GUCY1A2: variants seen among roughly 807,000 people sequenced by gnomAD.
GUCY1A2 encodes guanylate cyclase soluble subunit alpha-2.
GUCY1A2 carries 27 observed loss-of-function variants against 63.5 expected under a neutral mutation model. The observed-to-expected ratio is 0.43, with a 90% CI of 0.31 to 0.59. The LOEUF is 0.59. Among genes scored for constraint, GUCY1A2 ranks in the 20% least tolerant of loss-of-function variants. The probability of loss-of-function intolerance (pLI) is 0.11; values close to 1 mark genes in which losing one functional copy is unlikely to be tolerated. For synonymous variants in GUCY1A2, 364 were observed against 343.5 expected, an observed-to-expected ratio of 1.06 and a Z score of -0.66; for missense variants, 768 against 913.3, an observed-to-expected ratio of 0.84 and a Z score of 2.05.
intron 1 of GUCY1A2, among the ~76,000 whole-genome samples, chr11:106,998,021 T>TA (rs553361786): frequency 0.014 from 2,088 of 152,038 alleles, 31 homozygotes; most frequent in South Asian, 0.047. Flanking sequence ...CTTTAGGTGT[T>TA]AAAAAAAACA....
chr11:106,780,138 G>A (rs897782750), intron 5 of GUCY1A2, among the ~76,000 whole-genome samples: 6 of 152,078 alleles, frequency 3.9e-5, no homozygotes, highest in African/African-American at 1.4e-4. Flanking sequence ...TCCAGACTGG[G>A]TGACAAAGCG....
At chr11:106,769,652 A>G (rs1864221619) in intron 6 of GUCY1A2, among the ~76,000 whole-genome samples, 1 of 152,190 alleles carries the variant, frequency 6.6e-6, no homozygotes, top group Non-Finnish European at 1.5e-5. Flanking sequence ...CACCAGTAAC[A>G]TTATACGGTA....
chr11:107,013,633 C>T (rs1486676166), intron 1 of GUCY1A2, among the ~76,000 whole-genome samples: 4 of 152,016 alleles, frequency 2.6e-5, no homozygotes, highest in Admixed American at 6.6e-5. Context: ...TCACAACTTC[C>T]GCCTCCCGGG....
intron 7 of GUCY1A2, among the ~76,000 whole-genome samples, chr11:106,691,558 C>A (rs1430626776): frequency 6.6e-6 from 1 of 152,118 alleles, no homozygotes; most frequent in Non-Finnish European, 1.5e-5. Context: ...GGGGTTAGAT[C>A]TATGAAGGTA....
At chr11:106,965,019 G>A (rs1192419660) in intron 3 of GUCY1A2, among the ~76,000 whole-genome samples, 1 of 151,844 alleles carries the variant, frequency 6.6e-6, no homozygotes, top group Non-Finnish European at 1.5e-5. Flanking sequence ...CAGGGAGTTG[G>A]CCAAAATAAC....
chr11:106,791,416 G>A (rs1439791933), intron 5 of GUCY1A2, among the ~76,000 whole-genome samples: 1 of 152,162 alleles, frequency 6.6e-6, no homozygotes, highest in Non-Finnish European at 1.5e-5. Context: ...CTCTTTCAGC[G>A]ATATGAAGTT....
intron 4 of GUCY1A2, among the ~76,000 whole-genome samples, chr11:106,836,531 T>C (rs1033995181): frequency 1.3e-5 from 2 of 151,980 alleles, no homozygotes; most frequent in African/African-American, 2.4e-5. Flanking sequence ...TGTCATGACT[T>C]TTCTCTGCCT....
chr11:106,947,265 TA>T (rs1342280437), intron 3 of GUCY1A2, among the ~76,000 whole-genome samples: 2 of 151,046 alleles, frequency 1.3e-5, no homozygotes, highest in Non-Finnish European at 1.5e-5. Flanking sequence ...ACTATAATTA[TA>T]GTAGGAAACA....
rs59179865 is a variant in GUCY1A2, at chr11:106,750,735, TA to T, written c.1836+25703del. On this transcript the variant is annotated intron_variant, in intron 6 of 7. Transcript: ENST00000526355. ...AGTTGTTTTAGCACCATAGTGGATGTAAAAAAAAAATTATGTATTTTCATCA... is the reference window on the plus strand; with the variant it reads ...AGTTGTTTTAGCACCATAGTGGATGTAAAAAAAAATTATGTATTTTCATCA... Among the ~76,000 whole-genome samples the T allele has an allele frequency of 4.7e-3, 697 of 149,734 alleles. 11 individuals are homozygous for T. The East Asian group carries it at 0.066, about 14-fold the overall frequency.
At chr11:106,699,491 T>C (rs1862779890) in intron 7 of GUCY1A2, among the ~76,000 whole-genome samples, 1 of 152,190 alleles carries the variant, frequency 6.6e-6, no homozygotes, top group Non-Finnish European at 1.5e-5. Context: ...TTCAAGGAAA[T>C]TCTTTCTGTG....
In GUCY1A2 at chr11:106,980,477, G is replaced by C. The variant is rs78530173; in HGVS notation, c.366-1737C>G. Among the ~76,000 whole-genome samples, 1,130 of 152,214 alleles carry C rather than the reference G, an allele frequency of 7.4e-3. 19 individuals carry two copies. Among genetic ancestry groups the C allele is most frequent in the African/African-American group, 0.026 (1,064 of 41,526 alleles). On this transcript the variant is annotated intron_variant, in intron 2 of 7. Transcript: ENST00000526355. ...TCACCCAATACATCCGAAGAGAAAGGGACACAGAAAAGAATGGCCTGGAGA... is the reference window on the plus strand; with the variant it reads ...TCACCCAATACATCCGAAGAGAAAGCGACACAGAAAAGAATGGCCTGGAGA...
At chr11:106,864,053 C>A (rs1019018846) in intron 4 of GUCY1A2, among the ~76,000 whole-genome samples, 2 of 151,524 alleles carry the variant, frequency 1.3e-5, no homozygotes, top group Admixed American at 6.6e-5. Context: ...CATCACACAC[C>A]CTGCCTGTCG....
At chr11:106,996,432 A>T (rs1156511087) in intron 1 of GUCY1A2, among the ~76,000 whole-genome samples, 1 of 152,232 alleles carries the variant, frequency 6.6e-6, no homozygotes, top group Non-Finnish European at 1.5e-5. Flanking sequence ...CCTTCCCTAC[A>T]GCTGGAAAGC....
intron 6 of GUCY1A2, among the ~76,000 whole-genome samples, chr11:106,738,500 T>G (rs1049674864): frequency 7.9e-5 from 12 of 152,322 alleles, no homozygotes; most frequent in South Asian, 2.1e-4. Flanking sequence ...GCCTAGGTTT[T>G]CTTCTAGGGT....
chr11:106,795,009 G>C (rs771949101), intron 5 of GUCY1A2, among the ~76,000 whole-genome samples: 1 of 152,014 alleles, frequency 6.6e-6, no homozygotes, highest in Non-Finnish European at 1.5e-5. Flanking sequence ...CATATATATC[G>C]TTATTTTGAA....
intron 6 of GUCY1A2, among the ~76,000 whole-genome samples, chr11:106,709,519 A>C (rs1398202826): frequency 1.9e-5 from 1 of 52,702 alleles, no homozygotes; most frequent in Non-Finnish European, 3.0e-5. Context: ...TTATTCTATA[A>C]ATATAATAAT....
intron 4 of GUCY1A2, among the ~76,000 whole-genome samples, chr11:106,905,398 T>C (rs1227810968): frequency 6.6e-6 from 1 of 152,124 alleles, no homozygotes; most frequent in Non-Finnish European, 1.5e-5. Context: ...GATCAGATGG[T>C]AGCATTGTCA....
At chr11:106,825,530 T>C (rs1328335955) in intron 4 of GUCY1A2, among the ~76,000 whole-genome samples, 5 of 151,940 alleles carry the variant, frequency 3.3e-5, no homozygotes, top group East Asian at 3.9e-4. Context: ...AATAAGTCCA[T>C]ATAATTGTCT....
At chr11:106,941,172 T>G (rs182871720) in intron 3 of GUCY1A2, among the ~76,000 whole-genome samples, 1 of 152,160 alleles carries the variant, frequency 6.6e-6, no homozygotes. Context: ...GGAGGAGGAA[T>G]CTGATGAGAC....
Sources: gnomAD v4.1 joint callset for allele counts (sites outside exome capture counted in the v4.1 genomes callset) on GRCh38, gnomAD v4.1.1 for gene constraint, MANE v1.5 for transcripts, NCBI Gene and HGNC (gene_info 2026-07-23, HGNC 2026-07-21) for gene names.